Variants in RPS6KA2 observed in about 807,000 individuals in gnomAD.
RPS6KA2 encodes ribosomal protein S6 kinase alpha-2.
Under a neutral mutation model 91.8 loss-of-function variants are expected in RPS6KA2, and 42 were observed. That is an observed-to-expected ratio of 0.46 (90% CI 0.36 to 0.59). The LOEUF (loss-of-function observed/expected upper bound fraction) is 0.59, where lower values mean the gene tolerates loss of function less well. Ranked by LOEUF, RPS6KA2 falls within the 20% of genes least tolerant of loss-of-function variation. RPS6KA2 has a pLI of 0.00. For missense variants in RPS6KA2, 798 were observed against 978.5 expected, an observed-to-expected ratio of 0.82 and a Z score of 2.46; for synonymous variants, 414 against 393.6, an observed-to-expected ratio of 1.05 and a Z score of -0.61.
chr6:166,498,411 C>A (rs1261082435), intron 8 of RPS6KA2, 97 bp downstream of exon 8: 1 of 1,386,120 alleles, frequency 7.2e-7, no homozygotes. Flanking sequence ...CAGGCACTGC[C>A]TTCTTCCGCA....
chr6:166,495,360 G>A lies in RPS6KA2; in HGVS notation c.747+3148C>T, dbSNP rs1318933855. Among the ~76,000 whole-genome samples the A allele has an allele frequency of 1.3e-5, 2 of 152,170 alleles. No individual in the cohort carries two copies. The highest frequency in any genetic ancestry group is 1.9e-4 in the East Asian group (1 of 5,196). The stretch of plus-strand genomic sequence containing the variant: ...CCAGCTGTCACGAGACATTGAATGC[G>A]GGACGATCCCAGCAAACAAGTGAAC... On this transcript the variant is annotated intron_variant, in intron 8 of 20. Coordinates refer to ENST00000265678, the MANE Select transcript of RPS6KA2 (RefSeq NM_021135.6). The surrounding 1 kb of genome is among the most constrained non-coding windows in gnomAD (Gnocchi z 4.4).
exon 1 of RPS6KA2, chr6:166,862,387 A>G: frequency 7.2e-7 from 1 of 1,390,296 alleles, no homozygotes; most frequent in East Asian, 2.7e-5. Context: ...GGGGGCTGCA[A>G]TATGGCTGCT....
rs1285046106 is a variant in RPS6KA2 at position 166,533,623 on chromosome 6, G to A, written c.217-2310C>T. Among the ~76,000 whole-genome samples, 1 of 152,232 alleles carries A rather than the reference G, an allele frequency of 6.6e-6. No individual in the cohort carries two copies. The highest frequency in any genetic ancestry group is 2.4e-5 in the African/African-American group (1 of 41,462). On this transcript the variant is annotated intron_variant, in intron 2 of 20. Coordinates refer to ENST00000265678, the MANE Select transcript of RPS6KA2 (RefSeq NM_021135.6). The surrounding 1 kb of genome is among the most constrained non-coding windows in gnomAD (Gnocchi z 4.0). ...GCTGTGGCAACTGAGGACACCTGGT[G>A]CAGGACAAACCGGGCAGCCTGGTCA...
At chr6:166,823,168 C>T (rs564820064) in intron 2 of RPS6KA2, among the ~76,000 whole-genome samples, 1 of 152,316 alleles carries the variant, frequency 6.6e-6, no homozygotes, top group Admixed American at 6.5e-5. Context: ...AATGAAGAAG[C>T]AGGCAGAAAG....
chr6:166,545,466 C>A (rs1239332328), intron 1 of RPS6KA2, among the ~76,000 whole-genome samples: 1 of 152,156 alleles, frequency 6.6e-6, no homozygotes, highest in African/African-American at 2.4e-5. Context: ...GGAACTGAGG[C>A]TGGGCTAATG....
At chr6:166,608,862 A>G (rs571076281) in intron 1 of RPS6KA2, among the ~76,000 whole-genome samples, 8 of 152,304 alleles carry the variant, frequency 5.3e-5, no homozygotes, top group Admixed American at 3.9e-4. Flanking sequence ...GTTTATTCAC[A>G]AATCCAAACA....
rs368288410 is a variant in RPS6KA2 at position 166,550,187 on chromosome 6, T to C, written c.100-11403A>G. Reference sequence around the variant, plus strand: ...TCTCCCCTTTGTTTTCTGAATTTCCTATACAGAAATAGAAAACTGGCCAAG... The same window carrying C: ...TCTCCCCTTTGTTTTCTGAATTTCCCATACAGAAATAGAAAACTGGCCAAG... On this transcript the variant is annotated intron_variant, in intron 1 of 20. Coordinates refer to ENST00000265678, the MANE Select transcript of RPS6KA2 (RefSeq NM_021135.6). 3.3e-4 allele frequency among the ~76,000 whole-genome samples: 50 copies of C among 152,342 alleles called. 1 individual carries two copies. In the East Asian group the frequency reaches 9.1e-3, roughly 28 times the overall value.
At chr6:166,675,173 T>C (rs1278093571) in intron 2 of RPS6KA2, among the ~76,000 whole-genome samples, 1 of 152,172 alleles carries the variant, frequency 6.6e-6, no homozygotes, top group East Asian at 1.9e-4. Context: ...GCACTCACAC[T>C]GGGGACAGGG....
chr6:166,742,996 T>A (rs1437157391), intron 2 of RPS6KA2, among the ~76,000 whole-genome samples: 1 of 152,214 alleles, frequency 6.6e-6, no homozygotes, highest in Non-Finnish European at 1.5e-5. Flanking sequence ...AGAGCTAGAA[T>A]ACTGGTATGA....
intron 2 of RPS6KA2, among the ~76,000 whole-genome samples, chr6:166,668,705 A>G (rs1788387848): frequency 1.3e-5 from 2 of 152,244 alleles, no homozygotes; most frequent in South Asian, 4.2e-4. Context: ...TGGTTCTGGG[A>G]AGCAGGCAAA....
intron 2 of RPS6KA2, among the ~76,000 whole-genome samples, chr6:166,739,867 C>A (rs757552769): frequency 7.2e-5 from 11 of 152,242 alleles, no homozygotes; most frequent in Admixed American, 2.0e-4. Flanking sequence ...ACAAGCCCAA[C>A]CCCTTTCCGT....
At chr6:166,816,571 G>T (rs967827233) in intron 2 of RPS6KA2, among the ~76,000 whole-genome samples, 4 of 149,056 alleles carry the variant, frequency 2.7e-5, no homozygotes, top group African/African-American at 9.9e-5. Context: ...AAAAAAAAAA[G>T]AATTATTGAA....
At chr6:166,478,398 C>G (rs1007153640) in intron 10 of RPS6KA2, among the ~76,000 whole-genome samples, 1 of 152,138 alleles carries the variant, frequency 6.6e-6, no homozygotes, top group African/African-American at 2.4e-5. Flanking sequence ...ATGTTACCCT[C>G]TGAGGGATCA....
upstream of RPS6KA2, chr6:166,627,362 C>A: frequency 2.8e-6 from 1 of 357,320 alleles, no homozygotes; most frequent in Non-Finnish European, 3.9e-6. Context: ...CCGCCCCGCC[C>A]CGCCACTACG....
rs1392147554 is a variant in RPS6KA2 at position 166,448,402 on chromosome 6, C to A, written c.1332+322G>T. The stretch of plus-strand genomic sequence containing the variant: ...CGTGGTACATATGACTGAAAATATT[C>A]ATGATTTGCAAAACTACCTTTTAAT... On this transcript the variant is annotated intron_variant, in intron 14 of 20. Coordinates refer to ENST00000265678, the MANE Select transcript of RPS6KA2 (RefSeq NM_021135.6). This position sits in a 1 kb window ranked among gnomAD's most constrained non-coding sequence, Gnocchi z 4.7. Among the ~76,000 whole-genome samples the A allele has an allele frequency of 6.6e-6, 1 of 152,182 alleles. No homozygotes were observed. Among genetic ancestry groups the A allele is most frequent in the East Asian group, 1.9e-4 (1 of 5,190 alleles).
At chr6:166,657,624 T>C (rs1788041192) in intron 2 of RPS6KA2, among the ~76,000 whole-genome samples, 1 of 152,128 alleles carries the variant, frequency 6.6e-6, no homozygotes, top group African/African-American at 2.4e-5. Context: ...ATTCGACAGA[T>C]GATTAAAAGG....
chr6:166,477,546 C>T (rs1490423577), intron 10 of RPS6KA2, among the ~76,000 whole-genome samples: 1 of 151,976 alleles, frequency 6.6e-6, no homozygotes, highest in African/African-American at 2.4e-5. Context: ...GTACAAACAC[C>T]CCAATACTTT....
chr6:166,783,761 T>G (rs1427694110), intron 2 of RPS6KA2, among the ~76,000 whole-genome samples: 2 of 147,492 alleles, frequency 1.4e-5, no homozygotes, highest in Admixed American at 1.3e-4. Flanking sequence ...AAACCACATA[T>G]ACACATGTGC....
At chr6:166,604,003 G>A (rs978741137) in intron 1 of RPS6KA2, among the ~76,000 whole-genome samples, 1 of 152,152 alleles carries the variant, frequency 6.6e-6, no homozygotes, top group Non-Finnish European at 1.5e-5. Context: ...AGAAAAGGGC[G>A]AGACTATGAA....
Sources: allele counts gnomAD v4.1 joint callset (sites outside exome capture counted in the v4.1 genomes callset), GRCh38; gene constraint gnomAD v4.1.1; non-coding constraint Gnocchi (gnomAD v3.1); transcripts MANE v1.5; gene names NCBI Gene and HGNC (gene_info 2026-07-23, HGNC 2026-07-21).